The following EPB41L4A variants were observed in gnomAD, a reference collection of about 807,000 sequenced individuals.
EPB41L4A encodes the protein erythrocyte membrane protein band 4.1 like 4A.
A neutral mutation model predicts 108.6 loss-of-function variants in EPB41L4A; 100 were observed. That is an observed-to-expected ratio of 0.92 (90% CI 0.78 to 1.09). EPB41L4A has a LOEUF of 1.09. EPB41L4A is among the 50% of genes least tolerant of loss of function. The probability of loss-of-function intolerance (pLI) is 0.00; values close to 1 mark genes in which losing one functional copy is unlikely to be tolerated. For missense variants in EPB41L4A, 1,030 were observed against 842.7 expected (o/e 1.22, Z -2.75); for synonymous variants, 319 against 289.0 (o/e 1.10, Z -1.05).
At chr5:112,227,698 G>C (rs1230585977) in intron 12 of EPB41L4A, among the ~76,000 whole-genome samples, 1 of 152,166 alleles carries the variant, frequency 6.6e-6, no homozygotes, top group African/African-American at 2.4e-5. Context: ...GCCACACTGA[G>C]GTTCTGCTGA....
In EPB41L4A at chr5:112,162,686, A is replaced by G. The variant is rs1372597436; in HGVS notation, c.*2304T>C. 1 of 152,260 alleles carries G rather than the reference A, an allele frequency of 6.6e-6. No individual in the cohort carries two copies. The highest frequency in any genetic ancestry group is 1.5e-5 in the Non-Finnish European group (1 of 68,044). The allele number at this position is 152,260 out of a possible 1,614,324, so 9.4% of individuals were successfully genotyped here. The stretch of plus-strand genomic sequence containing the variant: ...AGCTGAGAACACGATGATGAGCACA[A>G]CACAGTTCTTCCCTTTGGAAACATA... On this transcript the variant is annotated 3_prime_UTR_variant, in exon 23 of 23. Coordinates refer to ENST00000261486, the MANE Select transcript of EPB41L4A (RefSeq NM_022140.5).
intron 5 of EPB41L4A, 68 bp from the exon 6 acceptor site, chr5:112,265,084 T>C: frequency 4.5e-6 from 6 of 1,328,044 alleles, no homozygotes; most frequent in Admixed American, 2.6e-5. Flanking sequence ...AGAAATAAAA[T>C]ATTCCTAACA....
intron 9 of EPB41L4A, among the ~76,000 whole-genome samples, chr5:112,247,170 T>C (rs1416980712): frequency 6.6e-6 from 1 of 151,046 alleles, no homozygotes; most frequent in African/African-American, 2.4e-5. Context: ...AATGCCCAAG[T>C]TTTCAAAGTG....
chr5:112,255,456 C>G (rs1401326064), intron 9 of EPB41L4A, among the ~76,000 whole-genome samples: 1 of 152,204 alleles, frequency 6.6e-6, no homozygotes, highest in Non-Finnish European at 1.5e-5. Flanking sequence ...TTGAAGCTCA[C>G]TCTTCCAATC....
chr5:112,391,292 T>C (rs1469216131), intron 1 of EPB41L4A, among the ~76,000 whole-genome samples: 2 of 151,788 alleles, frequency 1.3e-5, no homozygotes, highest in African/African-American at 4.8e-5. Flanking sequence ...AAAGGAGAAG[T>C]TCCTTGCAAA....
At position 112,358,760 on chromosome 5, in the gene EPB41L4A, T is replaced by G. The variant is rs184087456; in HGVS notation, c.100-51270A>C. ...CCAGCAAAAGATATATACAAGAATGTTCAGGGCAGCTTTATTTGTGATAGC... is the reference window on the plus strand; with the variant it reads ...CCAGCAAAAGATATATACAAGAATGGTCAGGGCAGCTTTATTTGTGATAGC... On this transcript the variant is annotated intron_variant, in intron 1 of 22. Transcript: ENST00000261486. Among the ~76,000 whole-genome samples the G allele has an allele frequency of 4.0e-4, 61 of 152,294 alleles. 1 individual carries two copies. The East Asian group carries it at 9.6e-3, about 24-fold the overall frequency.
intron 17 of EPB41L4A, among the ~76,000 whole-genome samples, chr5:112,189,358 A>T (rs2150248684): frequency 6.6e-6 from 1 of 152,328 alleles, no homozygotes; most frequent in Non-Finnish European, 1.5e-5. Flanking sequence ...GTCAGGTATT[A>T]TTCCACTTTG....
At chr5:112,229,574 C>T (rs1305578973) in intron 12 of EPB41L4A, among the ~76,000 whole-genome samples, 2 of 152,054 alleles carry the variant, frequency 1.3e-5, no homozygotes, top group Admixed American at 6.6e-5. Context: ...CTACCCTTCC[C>T]CCAAATCCCC....
chr5:112,168,887 A>G, intron 21 of EPB41L4A, 67 bp from the exon 22 acceptor site: 3 of 1,509,788 alleles, frequency 2.0e-6, no homozygotes, highest in Non-Finnish European at 9.2e-7. Flanking sequence ...AAGTTGGAAG[A>G]GAACTACAGT....
rs780468584 is a variant in EPB41L4A at position 112,168,769 on chromosome 5, A to G, written c.1902T>C (p.Ala634=). ...GAACTGTAGCATCCCCAGAACCCTG[A>G]GCATCCGAAGAACGGGTCACCGGAA... ...PPLPVTRSSD[A]QGSGDATVHQ... Residue 634 remains alanine, a synonymous_variant, in exon 22 of 23, where the codon GCT becomes GCC. Coordinates refer to ENST00000261486, the MANE Select transcript of EPB41L4A (RefSeq NM_022140.5). 1 of 1,614,100 alleles carries G rather than the reference A, an allele frequency of 6.2e-7. No individual in the cohort carries two copies. The highest frequency in any genetic ancestry group is 8.5e-7 in the Non-Finnish European group (1 of 1,179,950).
intron 12 of EPB41L4A, among the ~76,000 whole-genome samples, chr5:112,214,354 C>T (rs986521824): frequency 2.0e-5 from 3 of 152,158 alleles, no homozygotes; most frequent in African/African-American, 7.2e-5. Context: ...TAAATCTTTC[C>T]CCACCACCAC....
intron 3 of EPB41L4A, among the ~76,000 whole-genome samples, chr5:112,276,328 AAAAT>A (rs1166014909): frequency 6.6e-6 from 1 of 152,218 alleles, no homozygotes; most frequent in Non-Finnish European, 1.5e-5. Flanking sequence ...GGGCAAATAA[AAAAT>A]AAACACTCAT....
intron 1 of EPB41L4A, among the ~76,000 whole-genome samples, chr5:112,331,777 C>T (rs1215910581): frequency 6.6e-6 from 1 of 152,328 alleles, no homozygotes; most frequent in East Asian, 1.9e-4. Context: ...GGCCACCAGT[C>T]CCTTAACCAA....
chr5:112,388,623 G>C (rs1374016349), intron 1 of EPB41L4A, among the ~76,000 whole-genome samples: 1 of 152,106 alleles, frequency 6.6e-6, no homozygotes, highest in Non-Finnish European at 1.5e-5. Flanking sequence ...CAAATGCGAA[G>C]GCTGCCTTGA....
intron 9 of EPB41L4A, among the ~76,000 whole-genome samples, chr5:112,247,352 A>C (rs1561508647): frequency 6.6e-6 from 1 of 152,136 alleles, no homozygotes; most frequent in Non-Finnish European, 1.5e-5. Flanking sequence ...CTATCAAGAT[A>C]AATTGTTAAG....
intron 1 of EPB41L4A, among the ~76,000 whole-genome samples, chr5:112,354,666 C>T (rs1193065245): frequency 6.6e-6 from 1 of 152,160 alleles, no homozygotes; most frequent in Non-Finnish European, 1.5e-5. Context: ...TTTACAAACA[C>T]CATCCAGAAA....
downstream of EPB41L4A, chr5:112,162,224 C>CT (rs1474754766): frequency 6.6e-6 from 1 of 152,156 alleles, no homozygotes; most frequent in Admixed American, 6.5e-5. Context: ...TTCTGGGAGT[C>CT]TGAGGAGTAC....
At chr5:112,156,495 C>T (rs1288079790) in intron 12 of EPB41L4A, among the ~76,000 whole-genome samples, 1 of 152,058 alleles carries the variant, frequency 6.6e-6, no homozygotes, top group Non-Finnish European at 1.5e-5. Flanking sequence ...CTTTCTTTAT[C>T]CCGTTTTTTG....
At chr5:112,369,891 C>A (rs1759376531) in intron 1 of EPB41L4A, among the ~76,000 whole-genome samples, 1 of 152,232 alleles carries the variant, frequency 6.6e-6, no homozygotes, top group African/African-American at 2.4e-5. Flanking sequence ...AGGCACCAAC[C>A]TGCTTCTGGT....
Sources: allele counts gnomAD v4.1 joint callset (sites outside exome capture counted in the v4.1 genomes callset), GRCh38; gene constraint gnomAD v4.1.1; transcripts MANE v1.5; gene names NCBI Gene and HGNC (gene_info 2026-07-23, HGNC 2026-07-21).